Variants in CUBN observed in about 807,000 individuals in gnomAD.
CUBN encodes 460 kDa receptor.
Under a neutral mutation model 405.3 loss-of-function variants are expected in CUBN, and 282 were observed. The observed-to-expected ratio is 0.70, with a 90% CI of 0.63 to 0.77. CUBN has a LOEUF of 0.77. CUBN is among the 30% of genes least tolerant of loss of function. The probability of loss-of-function intolerance (pLI) is 0.00; values close to 1 mark genes in which losing one functional copy is unlikely to be tolerated. For missense variants in CUBN, 4,514 were observed against 4,475.2 expected (o/e 1.01, Z -0.25); for synonymous variants, 1,684 against 1,617.0 (o/e 1.04, Z -0.99).
At chr10:17,070,823 T>G (rs1381205243) in intron 19 of CUBN, among the ~76,000 whole-genome samples, 1 of 152,200 alleles carries the variant, frequency 6.6e-6, no homozygotes. Context: ...AGAATTTTAC[T>G]CGTTCCCTTT....
chr10:16,912,479 G>A (rs1190289234), intron 48 of CUBN, among the ~76,000 whole-genome samples: 1 of 152,196 alleles, frequency 6.6e-6, no homozygotes, highest in Non-Finnish European at 1.5e-5. Context: ...AAATCAAAAT[G>A]ATGTATGGCA....
chr10:17,075,073 C>CTTTTCTTTTTTTTT (rs1564505109), intron 17 of CUBN, among the ~76,000 whole-genome samples: 4 of 65,326 alleles, frequency 6.1e-5, no homozygotes, highest in African/African-American at 1.3e-4. Flanking sequence ...TCTTTGTTTT[C>CTTTTCTTTTTTTTT]TTTTTTTTTT....
intron 23 of CUBN, among the ~76,000 whole-genome samples, chr10:17,046,665 A>C (rs895077156): frequency 1.1e-4 from 17 of 152,160 alleles, no homozygotes; most frequent in African/African-American, 4.1e-4. Context: ...AACTGCTGTA[A>C]ATTAAGAAAA....
chr10:16,857,650 A>C (rs1839900442), intron 59 of CUBN, among the ~76,000 whole-genome samples: 2 of 152,238 alleles, frequency 1.3e-5, no homozygotes, highest in South Asian at 4.1e-4. Flanking sequence ...AACTCTTGGC[A>C]AACTAGGAAT....
At chr10:17,060,962 T>A (rs1835493009) in intron 22 of CUBN, among the ~76,000 whole-genome samples, 1 of 152,116 alleles carries the variant, frequency 6.6e-6, no homozygotes, top group South Asian at 2.1e-4. Context: ...GGCAGGAGAA[T>A]CACTTGAACC....
chr10:17,100,349 C>T (rs1588641759), intron 13 of CUBN, 110 bp from the exon 14 acceptor site: 1 of 724,272 alleles, frequency 1.4e-6, no homozygotes, highest in Middle Eastern at 2.5e-4. Context: ...AGAGCTAGAC[C>T]TATCATTCCC....
chr10:16,925,141 A>T, intron 43 of CUBN, 100 bp downstream of exon 43: 1 of 888,202 alleles, frequency 1.1e-6, no homozygotes. Context: ...AGGCATTCTT[A>T]TTAATTCTAT....
chr10:17,065,203 T>C (rs1356828974), intron 22 of CUBN, among the ~76,000 whole-genome samples: 1 of 149,140 alleles, frequency 6.7e-6, no homozygotes, highest in African/African-American at 2.5e-5. Flanking sequence ...TCAGAGTACT[T>C]TGGAGACATT....
At chr10:16,911,174 C>G (rs1487767883) in intron 48 of CUBN, among the ~76,000 whole-genome samples, 2 of 152,086 alleles carry the variant, frequency 1.3e-5, no homozygotes, top group Admixed American at 1.3e-4. Flanking sequence ...AATTGGTGAT[C>G]AATGCATAAA....
chr10:16,973,660 G>C (rs765425293), intron 31 of CUBN, among the ~76,000 whole-genome samples: 10 of 152,152 alleles, frequency 6.6e-5, no homozygotes, highest in Non-Finnish European at 1.3e-4. Flanking sequence ...ACCTCAAGTA[G>C]GCCCTGGCGC....
chr10:16,885,949 C>T (rs1018040201), intron 56 of CUBN, among the ~76,000 whole-genome samples: 3 of 152,146 alleles, frequency 2.0e-5, no homozygotes, highest in African/African-American at 7.2e-5. Flanking sequence ...ACAGTGGTGA[C>T]AACTCTTAAT....
intron 19 of CUBN, 131 bp downstream of exon 19, chr10:17,071,295 A>G: frequency 1.1e-6 from 1 of 908,024 alleles, no homozygotes; most frequent in Admixed American, 2.1e-5. Context: ...GGATTTTTAC[A>G]TATGTATCCA....
chr10:17,051,960 C>T (rs1405856245), intron 22 of CUBN, among the ~76,000 whole-genome samples: 1 of 151,752 alleles, frequency 6.6e-6, no homozygotes, highest in Non-Finnish European at 1.5e-5. Context: ...CAATACTAAA[C>T]AGGAGAAATA....
chr10:16,949,871 T>C (rs1468174320), intron 34 of CUBN, 130 bp downstream of exon 34: 4 of 731,644 alleles, frequency 5.5e-6, no homozygotes, highest in Non-Finnish European at 9.7e-6. Context: ...CTAATCATCT[T>C]TATTTGGCTT....
In CUBN at chr10:16,932,533, T is replaced by G. The variant is rs568274763; in HGVS notation, c.6124+554A>C. 2.2e-4 allele frequency among the ~76,000 whole-genome samples: 34 copies of G among 152,314 alleles called. No individual in the cohort carries two copies. In the South Asian group the frequency reaches 7.0e-3, roughly 32 times the overall value. Reference sequence around the variant, plus strand: ...ATACAACAATATCACCCCTTAACTCTACCTATTCTACCCACATTCAGGGGA... The same window carrying G: ...ATACAACAATATCACCCCTTAACTCGACCTATTCTACCCACATTCAGGGGA... On this transcript the variant is annotated intron_variant, in intron 40 of 66. Coordinates refer to ENST00000377833, the MANE Select transcript of CUBN (RefSeq NM_001081.4).
intron 50 of CUBN, among the ~76,000 whole-genome samples, chr10:16,905,051 T>C (rs775390116): frequency 2.6e-5 from 4 of 152,204 alleles, no homozygotes; most frequent in Admixed American, 6.5e-5. Context: ...GTAATTAACA[T>C]TGACCTCTCA....
At chr10:17,028,502 C>T (rs929275137) in intron 27 of CUBN, among the ~76,000 whole-genome samples, 10 of 151,560 alleles carry the variant, frequency 6.6e-5, no homozygotes, top group African/African-American at 1.2e-4. Flanking sequence ...GGGTGGATCA[C>T]GTGAGGCCAG....
chr10:16,988,092 G>A (rs1395483351), intron 29 of CUBN, among the ~76,000 whole-genome samples: 2 of 152,178 alleles, frequency 1.3e-5, no homozygotes, highest in Non-Finnish European at 2.9e-5. Context: ...AGGCCTGCTT[G>A]TAGGGAACAG....
chr10:16,920,211 TA>T (rs1445516533), intron 43 of CUBN, 74 bp from the exon 44 acceptor site: 7 of 1,418,170 alleles, frequency 4.9e-6, no homozygotes, highest in Non-Finnish European at 6.9e-6. Context: ...AATCATCTTT[TA>T]AAGTCGACTT....
Sources: allele counts gnomAD v4.1 joint callset (sites outside exome capture counted in the v4.1 genomes callset), GRCh38; gene constraint gnomAD v4.1.1; transcripts MANE v1.5; gene names NCBI Gene and HGNC (gene_info 2026-07-23, HGNC 2026-07-21).